Variants in TMC3 observed in about 807,000 individuals in gnomAD.
TMC3 encodes transmembrane channel like 3.
Under a neutral mutation model 110.6 loss-of-function variants are expected in TMC3, and 98 were observed. That is an observed-to-expected ratio of 0.89 (90% CI 0.75 to 1.05). TMC3 has a LOEUF of 1.05. TMC3 is among the 50% of genes least tolerant of loss of function. The pLI, the probability that TMC3 is intolerant of heterozygous loss-of-function variation, is 0.00. For synonymous variants in TMC3, 489 were observed against 513.1 expected, an observed-to-expected ratio of 0.95 and a Z score of 0.63; for missense variants, 1,319 against 1,373.2, an observed-to-expected ratio of 0.96 and a Z score of 0.62.
chr15:81,364,697 T>A (rs1894268014), intron 3 of TMC3, among the ~76,000 whole-genome samples: 1 of 99,308 alleles, frequency 1.0e-5, no homozygotes, highest in Non-Finnish European at 1.8e-5. Flanking sequence ...AAAAACATTA[T>A]TCCAAAAAAA....
At chr15:81,358,549 C>A in intron 5 of TMC3, 49 bp from the exon 6 acceptor site, 2 of 1,491,442 alleles carry the variant, frequency 1.3e-6, no homozygotes, top group Non-Finnish European at 1.8e-6. Flanking sequence ...TGGGAGGGGA[C>A]CGGGAGAAAA....
Position 81,333,120 on chromosome 15 carries a change from G to C in TMC3, c.2602C>G (p.Arg868Gly), listed in dbSNP as rs1477179573. ...AGCAAAGTCGAGGCCTGTGGTCCAC[G>C]GTGAGGAGGGTTGATTTGCTGAAAG... ...KDFQQINPPH[R>G]GPQASTLLAQ... The change falls in exon 22 of 22, where the codon CGT becomes GGT. Residue 868 changes from arginine (R) to glycine (G), a missense_variant. Physicochemically the swap from Arg to Gly is moderately radical, Grantham distance 125 (BLOSUM62 -2). Transcript: ENST00000359440. 4 of 1,613,932 alleles carry C rather than the reference G, an allele frequency of 2.5e-6. No homozygotes were observed. Among genetic ancestry groups the C allele is most frequent in the East Asian group, 2.2e-5 (1 of 44,900 alleles).
intron 20 of TMC3, 40 bp from the exon 21 acceptor site, chr15:81,335,015 C>T (rs748263823): frequency 3.1e-6 from 5 of 1,604,378 alleles, no homozygotes; most frequent in Admixed American, 1.7e-5. Context: ...ACAGGTGTCA[C>T]TGAGCAGGTG....
intron 10 of TMC3, 132 bp downstream of exon 10, chr15:81,351,562 G>T (rs1320754077): frequency 7.8e-6 from 9 of 1,160,586 alleles, no homozygotes; most frequent in Non-Finnish European, 1.1e-5. Flanking sequence ...ATGTTGGCCA[G>T]GCTGGGCTGG....
At chr15:81,336,579 A>G (rs775406607) in intron 20 of TMC3, 30 bp downstream of exon 20, 1 of 1,612,022 alleles carries the variant, frequency 6.2e-7, no homozygotes, top group South Asian at 1.1e-5. Context: ...AAACAAAAAA[A>G]CAACAACAAA....
At position 81,366,379 on chromosome 15, in the gene TMC3, C is replaced by A. The variant is rs145951418; in HGVS notation, c.312+1874G>T. ...AGCCAGTACAAGTTGTGGGTTAGCACGAGCTGAGCGTTTTACAGAAGAGGA... is the reference window on the plus strand; with the variant it reads ...AGCCAGTACAAGTTGTGGGTTAGCAAGAGCTGAGCGTTTTACAGAAGAGGA... On this transcript the variant is annotated intron_variant, in intron 3 of 21. Coordinates refer to ENST00000359440, the MANE Select transcript of TMC3 (RefSeq NM_001080532.3). Among the ~76,000 whole-genome samples the A allele has an allele frequency of 1.9e-3, 285 of 152,260 alleles. 1 individual carries two copies. Among genetic ancestry groups the A allele is most frequent in the African/African-American group, 6.4e-3 (267 of 41,552 alleles).
At chr15:81,371,123 G>A (rs1362040300) in intron 2 of TMC3, among the ~76,000 whole-genome samples, 1 of 152,082 alleles carries the variant, frequency 6.6e-6, no homozygotes, top group Non-Finnish European at 1.5e-5. Context: ...GTGTAGCTTG[G>A]GTTAGTCTCT....
intron 2 of TMC3, among the ~76,000 whole-genome samples, chr15:81,368,818 T>G (rs1271914100): frequency 6.6e-6 from 1 of 152,200 alleles, no homozygotes; most frequent in Non-Finnish European, 1.5e-5. Flanking sequence ...ACATGAACAA[T>G]CTGATTCACC....
At chr15:81,340,332 CTTT>C (rs1271720940) in intron 16 of TMC3, among the ~76,000 whole-genome samples, 1 of 152,126 alleles carries the variant, frequency 6.6e-6, no homozygotes, top group African/African-American at 2.4e-5. Context: ...TGTGAAACTT[CTTT>C]ATCTTTGTCT....
At chr15:81,339,205 A>G (rs1454840510) in intron 17 of TMC3, among the ~76,000 whole-genome samples, 189 bp downstream of exon 17, 1 of 152,258 alleles carries the variant, frequency 6.6e-6, no homozygotes, top group African/African-American at 2.4e-5. Context: ...ACATGAGCAC[A>G]GAGATGATTA....
chr15:81,347,787 G>A (rs575102778), intron 11 of TMC3, among the ~76,000 whole-genome samples: 111 of 152,320 alleles, frequency 7.3e-4, no homozygotes, highest in Middle Eastern at 3.4e-3. Flanking sequence ...TAGACCAAAT[G>A]CAATAATGGA....
intron 9 of TMC3, among the ~76,000 whole-genome samples, chr15:81,353,533 A>G (rs1893995998): frequency 6.6e-6 from 1 of 152,168 alleles, no homozygotes; most frequent in African/African-American, 2.4e-5. Flanking sequence ...TTTTTATTGT[A>G]CCTTTCTATG....
chr15:81,370,792 A>C (rs1894417105), intron 2 of TMC3, among the ~76,000 whole-genome samples: 2 of 150,296 alleles, frequency 1.3e-5, no homozygotes, highest in South Asian at 4.2e-4. Flanking sequence ...CTCCTGCCTC[A>C]GCCTCCCGAA....
At chr15:81,361,055 T>A (rs7170536) in intron 4 of TMC3, among the ~76,000 whole-genome samples, 30,005 of 151,670 alleles carry the variant, frequency 0.2, 3,468 homozygotes, top group South Asian at 0.48. Flanking sequence ...TAAAACTTTT[T>A]AAAAAAGAAA....
At chr15:81,337,946 C>G in intron 18 of TMC3, 22 bp from the exon 19 acceptor site, 1 of 1,594,240 alleles carries the variant, frequency 6.3e-7, no homozygotes, top group Non-Finnish European at 8.6e-7. Context: ...CAACACAGGA[C>G]AATGAGTGGA....
chr15:81,337,812 A>G (rs374072504), intron 19 of TMC3, 34 bp downstream of exon 19: 34 of 1,558,254 alleles, frequency 2.2e-5, no homozygotes, highest in Non-Finnish European at 2.6e-5. Context: ...TGGTTGACAC[A>G]TATTCATAAT....
chr15:81,372,884 T>TGTGTGC (rs1313615927), intron 1 of TMC3, 147 bp from the exon 2 acceptor site: 2 of 715,544 alleles, frequency 2.8e-6, no homozygotes, highest in Non-Finnish European at 4.6e-6. Context: ...TGTGTGTGTG[T>TGTGTGC]GTGTGTGTGT....
At position 81,346,358 on chromosome 15, in the gene TMC3, C is replaced by G. The variant is rs1282051232; in HGVS notation, c.1272+7G>C. 6.2e-7 allele frequency: 1 copy of G among 1,613,122 alleles called. No homozygotes were observed. The highest frequency in any genetic ancestry group is 1.7e-5 in the Admixed American group (1 of 59,946). ...GGGGCAGGCAACTATCTGGGATGGG[C>G]ACTCACCTCAATGCTCATGCTGTTA... On this transcript the variant is annotated splice_region_variant and intron_variant, in intron 12 of 21. Coordinates refer to ENST00000359440, the MANE Select transcript of TMC3 (RefSeq NM_001080532.3).
intron 20 of TMC3, chr15:81,335,867 C>G (rs2141690421): frequency 6.6e-6 from 1 of 152,364 alleles, no homozygotes; most frequent in Middle Eastern, 3.4e-3. Flanking sequence ...CTTCCATTCT[C>G]CCTGCTCTGC....
Sources: gnomAD v4.1 joint callset for allele counts (sites outside exome capture counted in the v4.1 genomes callset) on GRCh38, gnomAD v4.1.1 for gene constraint, MANE v1.5 for transcripts, NCBI Gene and HGNC (gene_info 2026-07-23, HGNC 2026-07-21) for gene names.